The following SPAG17 variants were observed in gnomAD, a reference collection of about 807,000 sequenced individuals.
The protein encoded by SPAG17 is sperm-associated antigen 17.
SPAG17 carries 169 observed loss-of-function variants against 273.6 expected under a neutral mutation model. The ratio of observed to expected loss-of-function variants is 0.62; its 90% confidence interval spans 0.55 to 0.70. SPAG17 has a LOEUF of 0.70. Ranked by LOEUF, SPAG17 falls within the 30% of genes least tolerant of loss-of-function variation. SPAG17 has a pLI of 0.00. For synonymous variants in SPAG17, 825 were observed against 873.2 expected, an observed-to-expected ratio of 0.94 and a Z score of 0.97; for missense variants, 2,557 against 2,627.8, an observed-to-expected ratio of 0.97 and a Z score of 0.59.
intron 48 of SPAG17, among the ~76,000 whole-genome samples, chr1:117,958,684 T>A (rs1019234810): frequency 2.0e-5 from 3 of 152,074 alleles, no homozygotes; most frequent in Admixed American, 6.6e-5. Context: ...TGCAAATGAG[T>A]TGAATGTGTC....
At chr1:118,154,231 C>T (rs1460300976) in intron 1 of SPAG17, among the ~76,000 whole-genome samples, 1 of 152,122 alleles carries the variant, frequency 6.6e-6, no homozygotes, top group Non-Finnish European at 1.5e-5. Flanking sequence ...TGGTCTCTTG[C>T]CCACTAAATG....
chr1:118,054,215 C>T (rs1298173464), intron 19 of SPAG17, 122 bp from the exon 20 acceptor site: 1 of 636,598 alleles, frequency 1.6e-6, no homozygotes, highest in Admixed American at 3.0e-5. Context: ...TTATTTATCT[C>T]TGGTTTTTTT....
At chr1:118,181,698 C>A (rs2102412082) in intron 1 of SPAG17, among the ~76,000 whole-genome samples, 1 of 151,994 alleles carries the variant, frequency 6.6e-6, no homozygotes, top group Admixed American at 6.5e-5. Context: ...ACAAACCTCA[C>A]CAAAAAATAA....
At position 118,066,749 on chromosome 1, in the gene SPAG17, A is replaced by G; in HGVS notation, c.2536T>C (p.Phe846Leu). 1 of 1,605,858 alleles carries G rather than the reference A, an allele frequency of 6.2e-7. No individual in the cohort carries two copies. The highest frequency in any genetic ancestry group is 8.5e-7 in the Non-Finnish European group (1 of 1,177,762). The part of the protein sequence containing the change: ...WNIALHSNVG[F>L]RNYLELVAKS... ...TAAACTTTCCAAATTTGTTACCTGA[A>G]TCCAACATTGGAGTGGAGAGCAATG... The change falls in exon 18 of 49, where the codon TTC (phenylalanine) becomes CTC (leucine). Residue 846 changes from phenylalanine to leucine, a missense_variant. Coordinates refer to ENST00000336338, the MANE Select transcript of SPAG17 (RefSeq NM_206996.4).
At chr1:118,103,000 A>G (rs1232586749) in intron 4 of SPAG17, among the ~76,000 whole-genome samples, 4 of 152,184 alleles carry the variant, frequency 2.6e-5, no homozygotes, top group South Asian at 2.1e-4. Flanking sequence ...GCAGAAGGGG[A>G]CATCATCAGC....
At chr1:118,071,091 T>C (rs1653536850) in intron 17 of SPAG17, among the ~76,000 whole-genome samples, 1 of 152,008 alleles carries the variant, frequency 6.6e-6, no homozygotes, top group Admixed American at 6.6e-5. Flanking sequence ...GTGAGTCTCC[T>C]ATGGAAATCT....
intron 4 of SPAG17, among the ~76,000 whole-genome samples, chr1:118,103,124 T>C (rs929874897): frequency 2.6e-5 from 4 of 152,026 alleles, no homozygotes; most frequent in South Asian, 2.1e-4. Context: ...CATATGTAAA[T>C]GGTAAAATTA....
chr1:117,988,607 A>G (rs1656715669), intron 38 of SPAG17, among the ~76,000 whole-genome samples: 1 of 152,138 alleles, frequency 6.6e-6, no homozygotes, highest in African/African-American at 2.4e-5. Flanking sequence ...GTTGTTCAAC[A>G]ATTTAGGCAG....
intron 24 of SPAG17, among the ~76,000 whole-genome samples, chr1:118,035,385 T>A (rs567426875): frequency 6.6e-6 from 1 of 152,264 alleles, no homozygotes; most frequent in African/African-American, 2.4e-5. Flanking sequence ...GCCAAAATAA[T>A]GATAACCTAT....
At position 118,091,461 on chromosome 1, in the gene SPAG17, G is replaced by C. The variant is rs1655365555; in HGVS notation, c.1359+145C>G. On this transcript the variant is annotated intron_variant, in intron 10 of 48. Coordinates refer to ENST00000336338, the MANE Select transcript of SPAG17 (RefSeq NM_206996.4). ...AAGCTGAAGATTTAAGCAGACTTTA[G>C]TTTCATCTGAACTATTCTAATCTTT... 1.9e-5 allele frequency: 11 copies of C among 566,646 alleles called. No individual in the cohort carries two copies. The South Asian group carries it at 2.6e-4, about 14-fold the overall frequency. 35.1% of individuals were successfully genotyped at this position (566,646 alleles called of 1,614,324 possible).
intron 6 of SPAG17, among the ~76,000 whole-genome samples, chr1:118,098,945 C>T (rs1655887341): frequency 6.6e-6 from 1 of 152,104 alleles, no homozygotes; most frequent in Admixed American, 6.6e-5. Flanking sequence ...ATAAAAGCAA[C>T]AGCATATGGC....
chr1:117,985,456 G>A (rs913437191), intron 40 of SPAG17, among the ~76,000 whole-genome samples: 1 of 152,134 alleles, frequency 6.6e-6, no homozygotes, highest in African/African-American at 2.4e-5. Context: ...GTAATGGCTG[G>A]GGCTGCAGCA....
At chr1:118,063,172 T>C (rs553063960) in intron 18 of SPAG17, among the ~76,000 whole-genome samples, 58 of 152,284 alleles carry the variant, frequency 3.8e-4, no homozygotes, top group African/African-American at 1.2e-3. Context: ...AGGTAATTTA[T>C]AGATTCAATG....
chr1:117,974,828 A>T (rs185195744), intron 43 of SPAG17, among the ~76,000 whole-genome samples: 1 of 152,154 alleles, frequency 6.6e-6, no homozygotes, highest in South Asian at 2.1e-4. Context: ...AAGGAAGGGG[A>T]CTAATATTTG....
At chr1:117,959,456 T>TCA in intron 48 of SPAG17, 1 of 1,582,340 alleles carries the variant, frequency 6.3e-7, no homozygotes, top group East Asian at 2.2e-5. Context: ...AGAACTGAAA[T>TCA]GTGGTATCTT....
At chr1:118,121,134 C>G (rs80354491) in intron 3 of SPAG17, among the ~76,000 whole-genome samples, 1,727 of 152,128 alleles carry the variant, frequency 0.011, 31 homozygotes, top group African/African-American at 0.04. Context: ...CTAGGACTAG[C>G]TTATTCAGGG....
chr1:118,127,302 C>T (rs1004746827), intron 3 of SPAG17, among the ~76,000 whole-genome samples: 1 of 152,120 alleles, frequency 6.6e-6, no homozygotes, highest in Non-Finnish European at 1.5e-5. Flanking sequence ...ACTGACAGTT[C>T]TGTAGGCTGT....
intron 23 of SPAG17, among the ~76,000 whole-genome samples, chr1:118,037,705 C>T (rs140680472): frequency 1.9e-4 from 29 of 152,230 alleles, no homozygotes; most frequent in African/African-American, 5.8e-4. Flanking sequence ...CATAACATTC[C>T]GTAGTGTGTA....
intron 48 of SPAG17, chr1:117,955,268 G>T: frequency 6.5e-7 from 1 of 1,545,764 alleles, no homozygotes. Flanking sequence ...AACTTTAGTA[G>T]AAACCAACCA....
Sources: gnomAD v4.1 joint callset for allele counts (sites outside exome capture counted in the v4.1 genomes callset) on GRCh38, gnomAD v4.1.1 for gene constraint, MANE v1.5 for transcripts, NCBI Gene and HGNC (gene_info 2026-07-23, HGNC 2026-07-21) for gene names.